NCKAP1: variants seen among roughly 807,000 people sequenced by gnomAD.
The protein encoded by NCKAP1 is NCK associated protein 1, also known as nck-associated protein 1.
A neutral mutation model predicts 151.2 loss-of-function variants in NCKAP1; 21 were observed. The ratio of observed to expected loss-of-function variants is 0.14; its 90% CI spans 0.10 to 0.20. The LOEUF (loss-of-function observed/expected upper bound fraction) is 0.20, where lower values mean the gene tolerates loss of function less well. Among genes scored for constraint, NCKAP1 ranks in the 10% least tolerant of loss-of-function variants. The pLI, the probability that NCKAP1 is intolerant of heterozygous loss-of-function variation, is 1.00. For synonymous variants in NCKAP1, 484 were observed against 451.8 expected, an observed-to-expected ratio of 1.07 and a Z score of -0.90; for missense variants, 933 against 1,352.1, an observed-to-expected ratio of 0.69 and a Z score of 4.86.
chr2:183,000,698 T>C (rs998037833), intron 6 of NCKAP1, among the ~76,000 whole-genome samples: 3 of 152,152 alleles, frequency 2.0e-5, no homozygotes, highest in African/African-American at 7.2e-5. Flanking sequence ...TATATAAATT[T>C]GTGTATAATG....
rs183328224 is a variant in NCKAP1 at position 182,969,944 on chromosome 2, G to C, written c.1483-2583C>G. The stretch of plus-strand genomic sequence containing the variant: ...CAAAAAAATCAGAAATAGAAAAGGA[G>C]ACATTACAACTGATACCAAAAACTT... On this transcript the variant is annotated intron_variant, in intron 15 of 30. Coordinates refer to ENST00000361354, the MANE Select transcript of NCKAP1 (RefSeq NM_013436.5). 4.4e-3 allele frequency among the ~76,000 whole-genome samples: 668 copies of C among 151,878 alleles called. 5 individuals are homozygous for C. The highest frequency in any genetic ancestry group is 0.016 in the African/African-American group (651 of 41,476).
intron 12 of NCKAP1, among the ~76,000 whole-genome samples, chr2:182,981,904 G>A (rs749652202): frequency 8.2e-5 from 8 of 98,114 alleles, no homozygotes; most frequent in Non-Finnish European, 1.2e-4. Flanking sequence ...GTAAAACTCC[G>A]TCTCAAAAAA....
At chr2:182,983,252 G>T in intron 11 of NCKAP1, 34 bp downstream of exon 11, 6 of 1,469,418 alleles carry the variant, frequency 4.1e-6, no homozygotes, top group Non-Finnish European at 4.7e-6. Context: ...TTTTAATATG[G>T]CACAATTATT....
chr2:182,983,058 G>A, intron 11 of NCKAP1, 131 bp from the exon 12 acceptor site: 1 of 727,436 alleles, frequency 1.4e-6, no homozygotes, highest in Non-Finnish European at 2.3e-6. Context: ...ACTAACAGAA[G>A]AGGACACAAG....
chr2:182,952,748 A>G, intron 22 of NCKAP1, 45 bp downstream of exon 22: 1 of 1,513,526 alleles, frequency 6.6e-7, no homozygotes, highest in South Asian at 1.3e-5. Flanking sequence ...TAGCAAAAGA[A>G]TTAAGTGTTC....
intron 1 of NCKAP1, among the ~76,000 whole-genome samples, chr2:183,035,706 C>G (rs1292217486): frequency 1.3e-5 from 2 of 152,122 alleles, no homozygotes; most frequent in Admixed American, 6.5e-5. Context: ...GCCAGACTCA[C>G]AGACAATTCT....
At chr2:182,956,319 C>T (rs1358097198) in intron 20 of NCKAP1, 143 bp downstream of exon 20, 9 of 1,012,916 alleles carry the variant, frequency 8.9e-6, no homozygotes, top group Admixed American at 5.8e-5. Flanking sequence ...GGATTATAGG[C>T]GTGAGCCACC....
At position 182,924,411 on chromosome 2, in the gene NCKAP1, C is replaced by T. The variant is rs1696600972; in HGVS notation, c.*1291G>A. On this transcript the variant is annotated 3_prime_UTR_variant, in exon 31 of 31. Transcript: ENST00000361354. ...ATACAAAGCTGCTGAGAAACAGCCTCAACAATGCCAATCAAAGAGCAAAAC... is the reference window on the plus strand; with the variant it reads ...ATACAAAGCTGCTGAGAAACAGCCTTAACAATGCCAATCAAAGAGCAAAAC... 1 of 152,166 alleles carries T rather than the reference C, an allele frequency of 6.6e-6. No homozygotes were observed. Among genetic ancestry groups the T allele is most frequent in the African/African-American group, 2.4e-5 (1 of 41,432 alleles). 9.4% of individuals were successfully genotyped at this position (152,166 alleles called of 1,614,324 possible). A position where few individuals can be genotyped will look rare whatever the true frequency, so the allele number is the denominator to read the frequency against.
Position 182,913,106 on chromosome 2 carries a change from T to C in NCKAP1, c.*12596A>G, listed in dbSNP as rs1559064119. 6.6e-6 allele frequency: 1 copy of C among 152,232 alleles called. No individual in the cohort carries two copies. The highest frequency in any genetic ancestry group is 1.5e-5 in the Non-Finnish European group (1 of 68,048). The allele number at this position is 152,232 out of a possible 1,614,324, so 9.4% of individuals were successfully genotyped here. A position where few individuals can be genotyped will look rare whatever the true frequency, so the allele number is the denominator to read the frequency against. The stretch of plus-strand genomic sequence containing the variant: ...AGATGATGAGTAGTGACCCTAGTTT[T>C]ACAGTCAAGATCAAACATGTAAAGT... On this transcript the variant is annotated 3_prime_UTR_variant, in exon 31 of 31. Transcript: ENST00000361354.
At chr2:183,018,084 C>T (rs535214595) in intron 2 of NCKAP1, among the ~76,000 whole-genome samples, 4 of 152,018 alleles carry the variant, frequency 2.6e-5, no homozygotes, top group Non-Finnish European at 5.9e-5. Flanking sequence ...CCCGTCTCTA[C>T]TAAAAATAGA....
chr2:182,918,854 A>T lies in NCKAP1; in HGVS notation c.*6848T>A, dbSNP rs1027330221. On this transcript the variant is annotated 3_prime_UTR_variant, in exon 31 of 31. Coordinates refer to ENST00000361354, the MANE Select transcript of NCKAP1 (RefSeq NM_013436.5). ...TATTCAAATTTTTAAAACATTAATT[A>T]AAAAATGCTATTGGTTAGAAAAGTC... 2.0e-5 allele frequency: 3 copies of T among 152,204 alleles called. No homozygotes were observed. The highest frequency in any genetic ancestry group is 2.9e-5 in the Non-Finnish European group (2 of 68,024). The allele number at this position is 152,204 out of a possible 1,614,324, so 9.4% of individuals were successfully genotyped here. A position where few individuals can be genotyped will look rare whatever the true frequency, so the allele number is the denominator to read the frequency against.
intron 24 of NCKAP1, among the ~76,000 whole-genome samples, chr2:182,938,879 T>A (rs537802593): frequency 6.6e-6 from 1 of 151,994 alleles, no homozygotes; most frequent in African/African-American, 2.4e-5. Flanking sequence ...GAACAAGGAG[T>A]TCAATAGGTG....
At chr2:182,990,286 C>T (rs1437287355) in intron 8 of NCKAP1, among the ~76,000 whole-genome samples, 3 of 151,910 alleles carry the variant, frequency 2.0e-5, no homozygotes, top group Non-Finnish European at 2.9e-5. Context: ...CATCCTTCCA[C>T]CTCATTCTCC....
At chr2:183,035,431 G>A (rs755965435) in intron 1 of NCKAP1, among the ~76,000 whole-genome samples, 13 of 151,948 alleles carry the variant, frequency 8.6e-5, no homozygotes, top group Non-Finnish European at 1.6e-4. Flanking sequence ...ACTTCCAATT[G>A]AAACAGAGTA....
rs1264448111 is a variant in NCKAP1, at chr2:182,952,818, A to G, written c.2478T>C (p.Asn826=). Residue 826 remains asparagine (N), a synonymous_variant, in exon 22 of 31, where the codon AAT becomes AAC. Transcript: ENST00000361354. ...CTGATATGTCAGAATATTCCTCTGC[A>G]TTGAATGTTAATTCATTTTCTGTAG... The part of the protein sequence containing the change: ...NLPTENELTF[N]AEEYSDISEM... The G allele has an allele frequency of 1.9e-5, 31 of 1,610,516 alleles. No individual in the cohort carries two copies. Among genetic ancestry groups the G allele is most frequent in the Non-Finnish European group, 2.5e-5 (29 of 1,177,964 alleles).
chr2:182,941,360 A>AT (rs1044385414), intron 24 of NCKAP1, among the ~76,000 whole-genome samples: 5 of 151,700 alleles, frequency 3.3e-5, no homozygotes, highest in African/African-American at 7.3e-5. Flanking sequence ...AGACATTACA[A>AT]TTTTTTTTTA....
At chr2:182,932,373 C>T (rs775172577) in intron 26 of NCKAP1, among the ~76,000 whole-genome samples, 2 of 152,052 alleles carry the variant, frequency 1.3e-5, no homozygotes, top group African/African-American at 4.8e-5. Context: ...CAGAAGACTA[C>T]ACATGATGAT....
intron 2 of NCKAP1, among the ~76,000 whole-genome samples, chr2:183,008,219 C>T (rs186846686): frequency 2.0e-5 from 3 of 152,152 alleles, no homozygotes; most frequent in Admixed American, 6.5e-5. Flanking sequence ...TGAGCCACCA[C>T]GCCCAGCCAC....
At chr2:182,947,842 A>G (rs1292553961) in intron 23 of NCKAP1, among the ~76,000 whole-genome samples, 1 of 152,188 alleles carries the variant, frequency 6.6e-6, no homozygotes, top group Non-Finnish European at 1.5e-5. Flanking sequence ...TATCTATATG[A>G]AACATCATTA....
Sources: allele counts gnomAD v4.1 joint callset (sites outside exome capture counted in the v4.1 genomes callset), GRCh38; gene constraint gnomAD v4.1.1; transcripts MANE v1.5; gene names NCBI Gene and HGNC (gene_info 2026-07-23, HGNC 2026-07-21).